The following MBD5 variants were observed in gnomAD, a reference collection of about 807,000 sequenced individuals.
The protein encoded by MBD5 is methyl-CpG binding domain protein 5.
In MBD5, 13 loss-of-function variants were observed where a neutral mutation model predicts 117.3. That is an observed-to-expected ratio of 0.11 (90% CI 0.07 to 0.18). The LOEUF (loss-of-function observed/expected upper bound fraction) is 0.18, where lower values mean the gene tolerates loss of function less well. MBD5 is among the 10% of genes least tolerant of loss of function. The pLI is 1.00. For synonymous variants in MBD5, 727 were observed against 766.4 expected, an observed-to-expected ratio of 0.95 and a Z score of 0.85; for missense variants, 1,879 against 2,093.8, an observed-to-expected ratio of 0.90 and a Z score of 2.00.
intron 4 of MBD5, among the ~76,000 whole-genome samples, chr2:148,345,143 G>A (rs62183965): frequency 0.23 from 34,324 of 150,962 alleles, 4,801 homozygotes; most frequent in South Asian, 0.33. Flanking sequence ...TATTAGTGAG[G>A]GTTCTTTTAG....
In MBD5 at chr2:148,483,600, T is replaced by G. The variant is rs1379042518; in HGVS notation, c.3009T>G (p.Leu1003=). 1 of 1,554,546 alleles carries G rather than the reference T, an allele frequency of 6.4e-7. No individual in the cohort carries two copies. Among genetic ancestry groups the G allele is most frequent in the East Asian group, 2.4e-5 (1 of 40,998 alleles). ...ACCAAGCCCAAGCAGCTGCCATGCT[T>G]CCCCTGCCATCTTTCAATCTGACCA... is the stretch of plus-strand genomic sequence containing the variant. The part of the protein sequence containing the change: ...LQNQAQAAAM[L]PLPSFNLTIS... The change falls in exon 9 of 14, where the codon CTT becomes CTG. Residue 1003 remains leucine (L), a synonymous_variant. Transcript: ENST00000642680.
chr2:148,026,238 G>A (rs11886876), intron 1 of MBD5: 49,740 of 151,860 alleles, frequency 0.33, 8,391 homozygotes, highest in East Asian at 0.52. Context: ...TTACATTTAT[G>A]ACACTTTCTA....
chr2:148,146,966 C>A (rs142780257), intron 1 of MBD5, among the ~76,000 whole-genome samples: 92 of 152,092 alleles, frequency 6.0e-4, no homozygotes, highest in Non-Finnish European at 1.2e-3. Flanking sequence ...CTATTCATTT[C>A]TTCTGAAAGA....
intron 4 of MBD5, among the ~76,000 whole-genome samples, chr2:148,446,427 A>T (rs1018915634): frequency 5.3e-5 from 8 of 152,114 alleles, no homozygotes; most frequent in African/African-American, 1.7e-4. Context: ...ACAGAACAAT[A>T]GTCTGGATAT....
At chr2:148,114,792 C>T (rs1696589769) in intron 1 of MBD5, among the ~76,000 whole-genome samples, 1 of 151,936 alleles carries the variant, frequency 6.6e-6, no homozygotes, top group East Asian at 1.9e-4. Context: ...AAGCTATGAG[C>T]TATAAGATAG....
chr2:148,451,186 G>A (rs1410262698), intron 4 of MBD5, among the ~76,000 whole-genome samples: 1 of 152,060 alleles, frequency 6.6e-6, no homozygotes. Context: ...ATGTGCTAGG[G>A]GTAGTTAGAG....
At chr2:148,102,369 T>G (rs569088655) in intron 1 of MBD5, among the ~76,000 whole-genome samples, 2 of 152,312 alleles carry the variant, frequency 1.3e-5, no homozygotes, top group South Asian at 4.1e-4. Context: ...GCTTTACATT[T>G]GTTACCTCAT....
intron 1 of MBD5, among the ~76,000 whole-genome samples, chr2:148,086,033 ATTC>A (rs1309852934): frequency 3.3e-5 from 5 of 152,124 alleles, no homozygotes; most frequent in African/African-American, 9.7e-5. Context: ...ATATGTGACT[ATTC>A]TTATATTTCA....
rs56740583 is a variant in MBD5 at position 148,424,177 on chromosome 2, C to CAAAAAAAAAAAAAAAAAAA, written c.-556-34005_-556-33987dup. ...TGGGCAACAGAGCAAGACTCTGTCT[C>CAAAAAAAAAAAAAAAAAAA]AAAAAAAAAAAAAAAAAAAAAAAAA... On this transcript the variant is annotated intron_variant, in intron 4 of 13. Coordinates refer to ENST00000642680, the MANE Select transcript of MBD5 (RefSeq NM_001378120.1). Among the ~76,000 whole-genome samples, 7 of 53,462 alleles carry CAAAAAAAAAAAAAAAAAAA rather than the reference C, an allele frequency of 1.3e-4. 1 individual carries two copies. Among genetic ancestry groups the CAAAAAAAAAAAAAAAAAAA allele is most frequent in the South Asian group, 1.8e-3 (2 of 1,088 alleles). The allele number at this position is 53,462 out of a possible 152,430, so 35.1% of individuals were successfully genotyped here. A position where few individuals can be genotyped will look rare whatever the true frequency, so the allele number is the denominator to read the frequency against.
intron 3 of MBD5, among the ~76,000 whole-genome samples, chr2:148,255,495 G>T (rs765621369): frequency 2.0e-5 from 3 of 152,158 alleles, no homozygotes; most frequent in Non-Finnish European, 4.4e-5. Flanking sequence ...CCAACCACTG[G>T]CAATGGGGTG....
chr2:148,278,379 G>C lies in MBD5; in HGVS notation c.-680+44984G>C, dbSNP rs369756170. ...TTGTATATATATAGCTGATAGAGAG[G>C]CTTGTTGATTGTGTTGTTCAAATCT... On this transcript the variant is annotated intron_variant, in intron 3 of 13. Transcript: ENST00000642680. 4.3e-4 allele frequency among the ~76,000 whole-genome samples: 66 copies of C among 152,032 alleles called. No individual in the cohort carries two copies. In the East Asian group the frequency reaches 9.7e-3, roughly 22 times the overall value.
At chr2:148,430,444 A>T (rs1166116394) in intron 4 of MBD5, among the ~76,000 whole-genome samples, 1 of 152,090 alleles carries the variant, frequency 6.6e-6, no homozygotes, top group Non-Finnish European at 1.5e-5. Flanking sequence ...TGTATCTATA[A>T]TTCCTATAAA....
chr2:148,203,065 A>G (rs1367524009), intron 2 of MBD5, among the ~76,000 whole-genome samples: 3 of 149,420 alleles, frequency 2.0e-5, no homozygotes, highest in Admixed American at 1.3e-4. Flanking sequence ...AGATCGCGCC[A>G]TTGCACTCTA....
chr2:148,086,125 T>C (rs1289962206), intron 1 of MBD5, among the ~76,000 whole-genome samples: 1 of 152,114 alleles, frequency 6.6e-6, no homozygotes, highest in Non-Finnish European at 1.5e-5. Context: ...ATATAGTATA[T>C]GTACTATATA....
intron 2 of MBD5, among the ~76,000 whole-genome samples, chr2:148,218,573 G>A (rs935223987): frequency 6.6e-6 from 1 of 152,068 alleles, no homozygotes; most frequent in African/African-American, 2.4e-5. Flanking sequence ...TGTATTGTTA[G>A]GCAATTTCCT....
At chr2:148,386,525 C>T (rs917452006) in intron 4 of MBD5, among the ~76,000 whole-genome samples, 13 of 151,150 alleles carry the variant, frequency 8.6e-5, no homozygotes, top group African/African-American at 2.4e-4. Context: ...GAGACCATCC[C>T]GGCTAAAACG....
intron 11 of MBD5, among the ~76,000 whole-genome samples, chr2:148,497,465 A>G (rs1051113152): frequency 6.6e-6 from 1 of 152,144 alleles, no homozygotes; most frequent in African/African-American, 2.4e-5. Context: ...GGGTCAGAGG[A>G]TCACTTGAGG....
rs377374563 is a variant in MBD5 at position 148,485,837 on chromosome 2, C to A, written c.3640C>A (p.Gln1214Lys). The change falls in exon 10 of 14, where the codon CAA becomes AAA. Residue 1214 changes from glutamine (Q) to lysine (K), a missense_variant. Transcript: ENST00000642680. ...CAATCAGATGTTTCCTCCAAATCAG[C>A]AACAGCAGCAACTTCTCCAGGGGTA... The part of the protein sequence containing the change: ...NNNQMFPPNQ[Q>K]QQQLLQGYQN... The A allele has an allele frequency of 1.5e-5, 24 of 1,614,028 alleles. No homozygotes were observed. The highest frequency in any genetic ancestry group is 2.0e-5 in the Non-Finnish European group (24 of 1,179,904).
At chr2:148,204,362 A>G (rs530921265) in intron 2 of MBD5, among the ~76,000 whole-genome samples, 1 of 152,210 alleles carries the variant, frequency 6.6e-6, no homozygotes, top group Non-Finnish European at 1.5e-5. Flanking sequence ...TTGTGAATGT[A>G]TATAGATAGA....
Sources: allele counts gnomAD v4.1 joint callset (sites outside exome capture counted in the v4.1 genomes callset), GRCh38; gene constraint gnomAD v4.1.1; transcripts MANE v1.5; gene names NCBI Gene and HGNC (gene_info 2026-07-23, HGNC 2026-07-21).